AFG2A: variants seen among roughly 807,000 people sequenced by gnomAD.
AFG2A encodes AAA ATPase AFG2A, also known as ATPase family gene 2 protein homolog A.
the AFG2A span, among the ~76,000 whole-genome samples, chr4:123,151,829 A>G: frequency 6.6e-6 from 1 of 152,222 alleles, no homozygotes; most frequent in African/African-American, 2.4e-5. Context: ...ATGCACACGT[A>G]TGTTTATTGC....
chr4:123,210,486 C>T, the AFG2A span, among the ~76,000 whole-genome samples: 1 of 152,164 alleles, frequency 6.6e-6, no homozygotes, highest in African/African-American at 2.4e-5. Flanking sequence ...TGATGTCCTC[C>T]AGGGTCATCC....
the AFG2A span, among the ~76,000 whole-genome samples, chr4:123,102,803 T>TGTGC: frequency 7.0e-6 from 1 of 143,636 alleles, no homozygotes; most frequent in Non-Finnish European, 1.5e-5. Context: ...GCATTCTGTG[T>TGTGC]GTGTGTGTGT....
the AFG2A span, among the ~76,000 whole-genome samples, chr4:123,067,518 C>A: frequency 6.6e-6 from 1 of 151,082 alleles, no homozygotes; most frequent in Non-Finnish European, 1.5e-5. Context: ...CTCCATCCCC[C>A]CCAAAAAAAA....
chr4:123,154,531 A>AT, the AFG2A span, among the ~76,000 whole-genome samples: 25 of 152,216 alleles, frequency 1.6e-4, no homozygotes, highest in Non-Finnish European at 5.9e-5. Context: ...CCATAGTGAG[A>AT]TTTTAAGAGT....
chr4:123,192,290 G>A, the AFG2A span, among the ~76,000 whole-genome samples: 1 of 152,168 alleles, frequency 6.6e-6, no homozygotes, highest in Non-Finnish European at 1.5e-5. Flanking sequence ...GCCTCCCAAA[G>A]TGCTGGGATT....
chr4:123,161,807 TAAACTA>T, the AFG2A span, among the ~76,000 whole-genome samples: 1,191 of 152,168 alleles, frequency 7.8e-3, 21 homozygotes, highest in African/African-American at 0.028. Context: ...GACAAGAAGT[TAAACTA>T]AATAAAAATA....
At chr4:123,082,023 G>C in the AFG2A span, among the ~76,000 whole-genome samples, 5 of 152,042 alleles carry the variant, frequency 3.3e-5, no homozygotes, top group Non-Finnish European at 7.4e-5. Context: ...GTATGTTTTG[G>C]ATAACAGTCT....
At chr4:123,195,576 T>C in the AFG2A span, among the ~76,000 whole-genome samples, 3 of 152,324 alleles carry the variant, frequency 2.0e-5, no homozygotes, top group South Asian at 4.1e-4. Context: ...AAAACTGATA[T>C]AAAATTCGAG....
chr4:123,176,204 T>C, the AFG2A span, among the ~76,000 whole-genome samples: 7 of 152,200 alleles, frequency 4.6e-5, no homozygotes, highest in African/African-American at 1.7e-4. Context: ...AGAGTGTTCA[T>C]ATTTTGTCCA....
At chr4:123,023,069 A>T in the AFG2A span, among the ~76,000 whole-genome samples, 1 of 151,356 alleles carries the variant, frequency 6.6e-6, no homozygotes, top group African/African-American at 2.4e-5. Flanking sequence ...TAGCATTAGG[A>T]GATATACCTA....
At chr4:123,099,529 GAGT>G in the AFG2A span, among the ~76,000 whole-genome samples, 242 of 144,394 alleles carry the variant, frequency 1.7e-3, no homozygotes, top group African/African-American at 5.3e-3. Flanking sequence ...ATGAGCCACA[GAGT>G]TTTTTTTTTT....
chr4:123,184,629 CG>C, the AFG2A span, among the ~76,000 whole-genome samples: 1 of 147,038 alleles, frequency 6.8e-6, no homozygotes, highest in Non-Finnish European at 1.5e-5. Context: ...CTCCGCCTCC[CG>C]GGTTCACGCC....
At chr4:123,075,821 G>A in the AFG2A span, among the ~76,000 whole-genome samples, 13 of 151,898 alleles carry the variant, frequency 8.6e-5, no homozygotes, top group African/African-American at 2.9e-4. Flanking sequence ...GCTGGGCGTG[G>A]TGGCACATGC....
At chr4:123,318,865 G>C in the AFG2A span, 4 of 152,130 alleles carry the variant, frequency 2.6e-5, no homozygotes, top group African/African-American at 7.2e-5. Context: ...GCTCAGCAAG[G>C]AAAGAAAATG....
the AFG2A span, among the ~76,000 whole-genome samples, chr4:123,292,197 A>G: frequency 4.6e-5 from 7 of 152,142 alleles, no homozygotes; most frequent in Admixed American, 3.3e-4. Flanking sequence ...TTCCCAAAAT[A>G]TGTCTTCATT....
chr4:123,300,712 T>A, the AFG2A span, among the ~76,000 whole-genome samples: 1 of 151,926 alleles, frequency 6.6e-6, no homozygotes, highest in African/African-American at 2.4e-5. Flanking sequence ...CCTTAACTAG[T>A]GTGCTTAAAT....
the AFG2A span, among the ~76,000 whole-genome samples, chr4:123,010,802 G>A: frequency 6.6e-6 from 1 of 152,160 alleles, no homozygotes; most frequent in Admixed American, 6.5e-5. Context: ...TGAGATACAT[G>A]TCCAATTTCT....
At chr4:123,304,575 A>G in the AFG2A span, among the ~76,000 whole-genome samples, 6 of 152,234 alleles carry the variant, frequency 3.9e-5, no homozygotes, top group African/African-American at 1.4e-4. Flanking sequence ...AACAGGTCAC[A>G]GGTGTTCCAG....
At chr4:123,143,011 T>C in the AFG2A span, among the ~76,000 whole-genome samples, 2 of 152,074 alleles carry the variant, frequency 1.3e-5, no homozygotes, top group African/African-American at 2.4e-5. Flanking sequence ...AAGGAAATGC[T>C]CATTGGAGCA....
Sources: allele counts gnomAD v4.1 joint callset (sites outside exome capture counted in the v4.1 genomes callset), GRCh38; gene constraint gnomAD v4.1.1; transcripts MANE v1.5; gene names NCBI Gene and HGNC (gene_info 2026-07-23, HGNC 2026-07-21).